The following GALNT1 variants were observed in gnomAD, a reference collection of about 807,000 sequenced individuals.
GALNT1 encodes the protein polypeptide N-acetylgalactosaminyltransferase 1.
A neutral mutation model predicts 65.7 loss-of-function variants in GALNT1; 17 were observed. The observed-to-expected ratio is 0.26, with a 90% confidence interval of 0.18 to 0.39. The LOEUF is 0.39. GALNT1 is among the 10% of genes least tolerant of loss of function. The pLI is 1.00. For synonymous variants in GALNT1, 210 were observed against 219.7 expected (o/e 0.96, Z 0.39); for missense variants, 460 against 672.8 (o/e 0.68, Z 3.50).
At chr18:35,629,509 C>G (rs189667174) in intron 1 of GALNT1, among the ~76,000 whole-genome samples, 2 of 152,102 alleles carry the variant, frequency 1.3e-5, no homozygotes, top group African/African-American at 4.8e-5. Context: ...TACAGACAAG[C>G]AAATGCTGAG....
At position 35,702,882 on chromosome 18, in the gene GALNT1, T is replaced by C; in HGVS notation, c.1300-15T>C. ...TCTCCAACTCCTGATATTTTCATTATTTATTGTCCCATAGATACGAAATGT... is the reference window on the plus strand; with the variant it reads ...TCTCCAACTCCTGATATTTTCATTACTTATTGTCCCATAGATACGAAATGT... On this transcript the variant is annotated splice_polypyrimidine_tract_variant and intron_variant, in intron 9 of 11. Coordinates refer to ENST00000269195, the MANE Select transcript of GALNT1 (RefSeq NM_020474.4). 1 of 1,538,044 alleles carries C rather than the reference T, an allele frequency of 6.5e-7. No homozygotes were observed. The highest frequency in any genetic ancestry group is 8.9e-7 in the Non-Finnish European group (1 of 1,123,808).
Position 35,633,248 on chromosome 18 carries a change from T to C in GALNT1, c.-103-21312T>C, listed in dbSNP as rs1052420068. Among the ~76,000 whole-genome samples the C allele has an allele frequency of 3.9e-5, 6 of 152,276 alleles. 1 individual carries two copies. The South Asian group carries it at 8.3e-4, about 21-fold the overall frequency. Reference sequence around the variant, plus strand: ...TACTATAAAGACACATGCACACATATGTTTATTGTGGCACTATTCACAATA... The same window carrying C: ...TACTATAAAGACACATGCACACATACGTTTATTGTGGCACTATTCACAATA... On this transcript the variant is annotated intron_variant, in intron 1 of 11. Coordinates refer to ENST00000269195, the MANE Select transcript of GALNT1 (RefSeq NM_020474.4).
intron 9 of GALNT1, among the ~76,000 whole-genome samples, chr18:35,695,068 T>G (rs557547992): frequency 6.6e-6 from 1 of 152,324 alleles, no homozygotes; most frequent in Non-Finnish European, 1.5e-5. Context: ...ATTTGCAAGA[T>G]GAAAAAGTTC....
intron 8 of GALNT1, among the ~76,000 whole-genome samples, 165 bp from the exon 9 acceptor site, chr18:35,692,016 C>G (rs2047971873): frequency 6.6e-6 from 1 of 152,076 alleles, no homozygotes; most frequent in Admixed American, 6.6e-5. Context: ...ATGTATTTTC[C>G]TTGCTTTATA....
chr18:35,663,728 A>G lies in GALNT1; in HGVS notation c.240A>G (p.Lys80=). The change falls in exon 3 of 12, where the codon AAA becomes AAG. Residue 80 remains lysine, a synonymous_variant. Coordinates refer to ENST00000269195, the MANE Select transcript of GALNT1 (RefSeq NM_020474.4). ...EDQEKMKEMF[K]INQFNLMASE... is the part of the protein sequence containing the mutation. ...AAGAAAAGATGAAAGAGATGTTTAAAATCAATCAGTTCAATTTAATGGCAA... is the reference window on the plus strand; with the variant it reads ...AAGAAAAGATGAAAGAGATGTTTAAGATCAATCAGTTCAATTTAATGGCAA... The G allele has an allele frequency of 6.2e-7, 1 of 1,614,032 alleles. No homozygotes were observed. The highest frequency in any genetic ancestry group is 8.5e-7 in the Non-Finnish European group (1 of 1,179,936).
rs1409495311 is a variant in GALNT1, at chr18:35,654,725, T to C, written c.63T>C (p.Asp21=). The C allele has an allele frequency of 2.5e-6, 4 of 1,581,020 alleles. No homozygotes were observed. The highest frequency in any genetic ancestry group is 3.4e-6 in the Non-Finnish European group (4 of 1,161,568). ...LATSLIWVLL[D]MFLLLYFSEC... The stretch of plus-strand genomic sequence containing the variant: ...CCTCCTTGATTTGGGTACTCTTGGA[T>C]ATGTTCCTGCTGCTTTACTTCAGTG... The change falls in exon 2 of 12, where the codon GAT becomes GAC. Residue 21 remains aspartate, a synonymous_variant. Coordinates refer to ENST00000269195, the MANE Select transcript of GALNT1 (RefSeq NM_020474.4).
At chr18:35,585,379 TTGA>T (rs2046368252) in intron 1 of GALNT1, among the ~76,000 whole-genome samples, 1 of 152,244 alleles carries the variant, frequency 6.6e-6, no homozygotes, top group Non-Finnish European at 1.5e-5. Flanking sequence ...GTCTTTCTCC[TTGA>T]TGAAGTTATT....
intron 11 of GALNT1, among the ~76,000 whole-genome samples, chr18:35,705,794 G>C (rs2048247670): frequency 6.6e-6 from 1 of 152,204 alleles, no homozygotes; most frequent in Admixed American, 6.5e-5. Context: ...CTAGAGGTAA[G>C]TAAATTCAGT....
intron 11 of GALNT1, among the ~76,000 whole-genome samples, chr18:35,704,767 C>T (rs1465421251): frequency 1.3e-5 from 2 of 151,984 alleles, no homozygotes; most frequent in Non-Finnish European, 2.9e-5. Flanking sequence ...CCTCAGCCTC[C>T]TGAGTAGCTG....
In GALNT1 at chr18:35,644,609, A is replaced by G. The variant is rs911278415; in HGVS notation, c.-103-9951A>G. Among the ~76,000 whole-genome samples the G allele has an allele frequency of 3.7e-4, 57 of 152,160 alleles. 1 individual carries two copies. The highest frequency in any genetic ancestry group is 1.3e-3 in the African/African-American group (54 of 41,518). On this transcript the variant is annotated intron_variant, in intron 1 of 11. Transcript: ENST00000269195. ...TGGAAAGCCACTTGTCCCTGCACCA[A>G]TTTTCTTTGTAGTAGCATCTTTTTA...
intron 1 of GALNT1, among the ~76,000 whole-genome samples, chr18:35,594,955 A>G (rs1335125118): frequency 6.6e-6 from 1 of 152,096 alleles, no homozygotes; most frequent in Non-Finnish European, 1.5e-5. Context: ...CTGCTAACAG[A>G]GGTTTGAGGT....
In GALNT1 at chr18:35,687,007, T is replaced by C. The variant is rs767521415; in HGVS notation, c.690-9T>C. The C allele has an allele frequency of 6.3e-7, 1 of 1,598,604 alleles. No individual in the cohort carries two copies. The highest frequency in any genetic ancestry group is 8.5e-7 in the Non-Finnish European group (1 of 1,173,326). ...TGAAAGATTTCTTAACTTGCTTTTA[T>C]GACATCAGGAGAACAGTGGTGTGTC... On this transcript the variant is annotated splice_polypyrimidine_tract_variant and intron_variant, in intron 5 of 11. Coordinates refer to ENST00000269195, the MANE Select transcript of GALNT1 (RefSeq NM_020474.4).
chr18:35,687,308 T>TC, intron 6 of GALNT1, 122 bp downstream of exon 6: 1 of 795,850 alleles, frequency 1.3e-6, no homozygotes, highest in South Asian at 2.8e-5. Context: ...TACCTTATGG[T>TC]AGTTAACAGC....
intron 1 of GALNT1, among the ~76,000 whole-genome samples, chr18:35,624,747 G>A (rs2046895142): frequency 1.3e-5 from 2 of 151,624 alleles, no homozygotes; most frequent in Non-Finnish European, 2.9e-5. Flanking sequence ...CAACATATTT[G>A]CTCTTTAAAA....
intron 1 of GALNT1, among the ~76,000 whole-genome samples, chr18:35,609,009 A>G (rs1015000749): frequency 6.6e-6 from 1 of 152,206 alleles, no homozygotes; most frequent in Non-Finnish European, 1.5e-5. Flanking sequence ...AAGAGCAATC[A>G]CATATGTATA....
chr18:35,685,305 C>T lies in GALNT1; in HGVS notation c.689+1707C>T, dbSNP rs187097653. 4.4e-3 allele frequency among the ~76,000 whole-genome samples: 673 copies of T among 152,136 alleles called. 2 individuals carry two copies. Among genetic ancestry groups the T allele is most frequent in the Middle Eastern group, 0.01 (3 of 294 alleles). ...TAGCGTAATATTACAAAAACTAATT[C>T]GTTTAATACATCCCATTAATGTATT... On this transcript the variant is annotated intron_variant, in intron 5 of 11. Coordinates refer to ENST00000269195, the MANE Select transcript of GALNT1 (RefSeq NM_020474.4).
rs114187595 is a variant in GALNT1, at chr18:35,691,062, A to G, written c.1029A>G (p.Gly343=). The change falls in exon 8 of 12, where the codon GGA becomes GGG. Residue 343 remains glycine, a synonymous_variant. Transcript: ENST00000269195. The stretch of plus-strand genomic sequence containing the variant: ...AAATTGTTACATGCTCACATGTTGG[A>G]CATGTGTTTCGGAAAGCTACACCTT... The part of the protein sequence containing the change: ...TLEIVTCSHV[G]HVFRKATPYT... 212 of 1,611,264 alleles carry G rather than the reference A, an allele frequency of 1.3e-4. No individual in the cohort carries two copies. In the African/African-American group the frequency reaches 2.2e-3, roughly 16 times the overall value.
chr18:35,679,005 G>C (rs992500252), intron 4 of GALNT1, among the ~76,000 whole-genome samples: 2 of 152,086 alleles, frequency 1.3e-5, no homozygotes, highest in African/African-American at 2.4e-5. Context: ...TCAAATTAAA[G>C]AGATACTTTA....
intron 9 of GALNT1, among the ~76,000 whole-genome samples, chr18:35,699,206 T>A (rs1400833551): frequency 6.6e-6 from 1 of 152,208 alleles, no homozygotes; most frequent in Non-Finnish European, 1.5e-5. Flanking sequence ...CATAACATAA[T>A]TCATAGGGAT....
Sources: allele counts gnomAD v4.1 joint callset (sites outside exome capture counted in the v4.1 genomes callset), GRCh38; gene constraint gnomAD v4.1.1; transcripts MANE v1.5; gene names NCBI Gene and HGNC (gene_info 2026-07-23, HGNC 2026-07-21).